The following TMPRSS15 variants were observed in gnomAD, a reference collection of about 807,000 sequenced individuals.
TMPRSS15 encodes the protein enteropeptidase.
In TMPRSS15, 128 loss-of-function variants were observed where a neutral mutation model predicts 125.3. That is an observed-to-expected ratio of 1.02 (90% confidence interval 0.89 to 1.18). The LOEUF is 1.18. Among genes scored for constraint, TMPRSS15 ranks in the 50% most tolerant of loss-of-function variants. The pLI, the probability that TMPRSS15 is intolerant of heterozygous loss-of-function variation, is 0.00. For missense variants in TMPRSS15, 1,283 were observed against 1,212.7 expected, an observed-to-expected ratio of 1.06 and a Z score of -0.86; for synonymous variants, 446 against 423.2, an observed-to-expected ratio of 1.05 and a Z score of -0.66.
intron 21 of TMPRSS15, among the ~76,000 whole-genome samples, chr21:18,292,374 T>C (rs1405904194): frequency 1.3e-5 from 2 of 152,208 alleles, no homozygotes; most frequent in African/African-American, 4.8e-5. Context: ...CTTGAATTCC[T>C]TCCTGTGTGA....
At position 18,414,242 on chromosome 21, in the gene TMPRSS15, G is replaced by A. The variant is rs143625229; in HGVS notation, c.11-15913C>T. On this transcript the variant is annotated intron_variant, in intron 1 of 7. Transcript: ENST00000422787. ...ATATTTAATGTATACAATTTGATGA[G>A]TTCAGACAAATGCCAACAATGTAAA... 5.0e-4 allele frequency among the ~76,000 whole-genome samples: 76 copies of A among 152,054 alleles called. No individual in the cohort carries two copies. In the East Asian group the frequency reaches 9.9e-3, roughly 20 times the overall value.
At position 18,359,885 on chromosome 21, in the gene TMPRSS15, G is replaced by A. The variant is rs80012949; in HGVS notation, c.774-22C>T. On this transcript the variant is annotated intron_variant, in intron 7 of 24. Coordinates refer to ENST00000284885, the MANE Select transcript of TMPRSS15 (RefSeq NM_002772.3). ...TACACTAAATTAAAAGCAAAAAATAGATTACCAAATTTTTAACAGTTGTCA... is the reference window on the plus strand; with the variant it reads ...TACACTAAATTAAAAGCAAAAAATAAATTACCAAATTTTTAACAGTTGTCA... 6.4e-4 allele frequency: 753 copies of A among 1,173,992 alleles called. 8 individuals carry two copies. The African/African-American group carries it at 0.011, about 17-fold the overall frequency. The allele number at this position is 1,173,992 out of a possible 1,614,324, so 72.7% of individuals were successfully genotyped here.
intron 23 of TMPRSS15, 130 bp from the exon 24 acceptor site, chr21:18,275,466 C>T: frequency 9.0e-7 from 1 of 1,105,530 alleles, no homozygotes; most frequent in Non-Finnish European, 1.3e-6. Context: ...TATAATGGAA[C>T]TAAATACTAA....
At chr21:18,345,056 T>G (rs2075490761) in intron 10 of TMPRSS15, among the ~76,000 whole-genome samples, 1 of 152,224 alleles carries the variant, frequency 6.6e-6, no homozygotes. Flanking sequence ...CTAGTAGAAC[T>G]GCCTATAGGT....
chr21:18,289,795 C>T (rs1222400366), intron 21 of TMPRSS15, among the ~76,000 whole-genome samples: 1 of 128,036 alleles, frequency 7.8e-6, no homozygotes, highest in Non-Finnish European at 1.7e-5. Context: ...TGCCCACCCA[C>T]GTGACTGCAT....
At chr21:18,353,697 A>G in intron 9 of TMPRSS15, 26 bp downstream of exon 9, 1 of 1,602,000 alleles carries the variant, frequency 6.2e-7, no homozygotes, top group Non-Finnish European at 8.5e-7. Context: ...TAAAAATTAA[A>G]AAGCCAAAAA....
At chr21:18,292,996 G>T (rs139303383) in intron 21 of TMPRSS15, among the ~76,000 whole-genome samples, 1 of 152,182 alleles carries the variant, frequency 6.6e-6, no homozygotes. Flanking sequence ...AGCTTTAGAT[G>T]TAGATGGGAT....
At chr21:18,477,868 T>C (rs1297361310) in intron 1 of TMPRSS15, among the ~76,000 whole-genome samples, 1 of 152,044 alleles carries the variant, frequency 6.6e-6, no homozygotes, top group African/African-American at 2.4e-5. Flanking sequence ...TTTTCAGACA[T>C]GGGAATAGAT....
intron 1 of TMPRSS15, among the ~76,000 whole-genome samples, chr21:18,421,096 A>G (rs925552822): frequency 1.3e-5 from 2 of 152,182 alleles, no homozygotes; most frequent in Admixed American, 6.5e-5. Flanking sequence ...GACACGGAGG[A>G]CTATATCACT....
chr21:18,352,478 C>T (rs2075579732), intron 10 of TMPRSS15, among the ~76,000 whole-genome samples: 1 of 152,028 alleles, frequency 6.6e-6, no homozygotes, highest in African/African-American at 2.4e-5. Context: ...AGCAGGACTG[C>T]TGTTGGGTCT....
intron 18 of TMPRSS15, among the ~76,000 whole-genome samples, chr21:18,306,457 AC>A (rs547802430): frequency 5.2e-4 from 79 of 152,314 alleles, no homozygotes; most frequent in African/African-American, 1.9e-3. Flanking sequence ...CAATGGAAGA[AC>A]CTTGGGGTAA....
intron 1 of TMPRSS15, among the ~76,000 whole-genome samples, chr21:18,431,228 C>G (rs1487672808): frequency 6.6e-6 from 1 of 152,080 alleles, no homozygotes; most frequent in Admixed American, 6.5e-5. Flanking sequence ...CAGCCTAGCC[C>G]AAGGATGTTA....
chr21:18,379,331 T>G lies in TMPRSS15; in HGVS notation c.497-13A>C. ...GTTGTTAGCTTGTCTGAAAAATAAATTATATTAAAATAATTATTACCTATT... is the reference window on the plus strand; with the variant it reads ...GTTGTTAGCTTGTCTGAAAAATAAAGTATATTAAAATAATTATTACCTATT... On this transcript the variant is annotated splice_polypyrimidine_tract_variant and intron_variant, in intron 4 of 24. Coordinates refer to ENST00000284885, the MANE Select transcript of TMPRSS15 (RefSeq NM_002772.3). 7.9e-7 allele frequency: 1 copy of G among 1,262,290 alleles called. No individual in the cohort carries two copies. Among genetic ancestry groups the G allele is most frequent in the Non-Finnish European group, 1.1e-6 (1 of 951,920 alleles). The allele number at this position is 1,262,290 out of a possible 1,614,324, so 78.2% of individuals were successfully genotyped here.
chr21:18,294,490 T>A lies in TMPRSS15; in HGVS notation c.2312-46A>T, dbSNP rs1195023763. 6 of 1,612,500 alleles carry A rather than the reference T, an allele frequency of 3.7e-6. No individual in the cohort carries two copies. In the Admixed American group the frequency reaches 1.0e-4, roughly 27 times the overall value. On this transcript the variant is annotated intron_variant, in intron 20 of 24. Transcript: ENST00000284885. Reference sequence around the variant, plus strand: ...AGAGCATCTATTTCATTTTTGGCATTTCTTCTGATGGTGAAAATTGAGTGG... The same window carrying A: ...AGAGCATCTATTTCATTTTTGGCATATCTTCTGATGGTGAAAATTGAGTGG...
chr21:18,291,542 G>T (rs1185414642), intron 21 of TMPRSS15, among the ~76,000 whole-genome samples: 1 of 152,186 alleles, frequency 6.6e-6, no homozygotes, highest in Non-Finnish European at 1.5e-5. Context: ...CACTTGTGTG[G>T]CATGAGTTTA....
intron 1 of TMPRSS15, among the ~76,000 whole-genome samples, chr21:18,464,247 G>A (rs924591286): frequency 1.3e-5 from 2 of 151,584 alleles, no homozygotes; most frequent in South Asian, 2.1e-4. Context: ...GAATCTCTGG[G>A]ACACAGCTAT....
chr21:18,399,164 T>C (rs1167052284), intron 1 of TMPRSS15, among the ~76,000 whole-genome samples: 1 of 152,094 alleles, frequency 6.6e-6, no homozygotes, highest in Non-Finnish European at 1.5e-5. Context: ...AATAATCTGG[T>C]GCGAGAAGAC....
At chr21:18,319,095 A>G (rs1273071078) in intron 16 of TMPRSS15, among the ~76,000 whole-genome samples, 1 of 152,162 alleles carries the variant, frequency 6.6e-6, no homozygotes, top group Admixed American at 6.6e-5. Flanking sequence ...AAAAAGAAAC[A>G]ATTTTATGAA....
At chr21:18,459,908 AAATTT>A (rs968109000) in intron 1 of TMPRSS15, among the ~76,000 whole-genome samples, 8 of 152,318 alleles carry the variant, frequency 5.3e-5, no homozygotes, top group Admixed American at 3.9e-4. Context: ...ATAATTAATT[AAATTT>A]ATTTCTAGGA....
Sources: gnomAD v4.1 joint callset for allele counts (sites outside exome capture counted in the v4.1 genomes callset) on GRCh38, gnomAD v4.1.1 for gene constraint, MANE v1.5 for transcripts, NCBI Gene and HGNC (gene_info 2026-07-23, HGNC 2026-07-21) for gene names.